The following CDK13 variants were observed in gnomAD, a reference collection of about 807,000 sequenced individuals.
CDK13 encodes cyclin-dependent kinase 13.
CDK13 carries 40 observed loss-of-function variants against 137.6 expected under a neutral mutation model. That is an observed-to-expected ratio of 0.29 (90% CI 0.23 to 0.38). The LOEUF (loss-of-function observed/expected upper bound fraction) is 0.38. Among genes scored for constraint, CDK13 ranks in the 10% least tolerant of loss-of-function variants. The pLI, the probability that CDK13 is intolerant of heterozygous loss-of-function variation, is 1.00. For synonymous variants in CDK13, 869 were observed against 760.1 expected (o/e 1.14, Z -2.36); for missense variants, 1,704 against 1,951.8 (o/e 0.87, Z 2.39).
chr7:39,950,556 G>T lies in CDK13; in HGVS notation c.-86G>T, dbSNP rs1787116047. On this transcript the variant is annotated 5_prime_UTR_variant, in exon 1 of 14. Coordinates refer to ENST00000181839, the MANE Select transcript of CDK13 (RefSeq NM_003718.5). Reference sequence around the variant, plus strand: ...TGGTGCTCGGTGTCCCTCCGCCGCCGCTCCCGTTTCCGGCGGGGGAGATGG... The same window carrying T: ...TGGTGCTCGGTGTCCCTCCGCCGCCTCTCCCGTTTCCGGCGGGGGAGATGG... 7.9e-7 allele frequency: 1 copy of T among 1,272,098 alleles called. No homozygotes were observed. The highest frequency in any genetic ancestry group is 9.9e-7 in the Non-Finnish European group (1 of 1,009,628). 78.8% of individuals were successfully genotyped at this position (1,272,098 alleles called of 1,614,324 possible). A position where few individuals can be genotyped will look rare whatever the true frequency, so the allele number is the denominator to read the frequency against.
At chr7:40,080,674 T>G (rs1051881865) in intron 11 of CDK13, among the ~76,000 whole-genome samples, 2 of 152,178 alleles carry the variant, frequency 1.3e-5, no homozygotes, top group Non-Finnish European at 1.5e-5. Context: ...CAAATAACAT[T>G]TTTTAAACTT....
Position 39,996,075 on chromosome 7 carries a change from C to A in CDK13, c.1872-1419C>A, listed in dbSNP as rs570236302. ...TGTTTTTTCTCTGTTAAAGAACCTT[C>A]CAGTGAGTAACACAGGACATAAATT... is the stretch of plus-strand genomic sequence containing the variant. On this transcript the variant is annotated intron_variant, in intron 2 of 13. Coordinates refer to ENST00000181839, the MANE Select transcript of CDK13 (RefSeq NM_003718.5). Among the ~76,000 whole-genome samples the A allele has an allele frequency of 5.9e-5, 9 of 152,270 alleles. 1 individual carries two copies. Among genetic ancestry groups the A allele is most frequent in the Admixed American group, 2.0e-4 (3 of 15,286 alleles).
chr7:39,967,243 C>T (rs138575520), intron 1 of CDK13, among the ~76,000 whole-genome samples: 12 of 152,198 alleles, frequency 7.9e-5, no homozygotes, highest in African/African-American at 1.7e-4. Flanking sequence ...GCCCTGGCAA[C>T]GTGGTGAAAT....
intron 5 of CDK13, among the ~76,000 whole-genome samples, chr7:40,036,436 G>C (rs1038924106): frequency 3.3e-5 from 5 of 152,258 alleles, no homozygotes; most frequent in Admixed American, 1.3e-4. Flanking sequence ...GCCAGGTGTG[G>C]TGGCAGGTAC....
chr7:39,967,794 G>A (rs1783905034), intron 1 of CDK13, among the ~76,000 whole-genome samples: 1 of 152,098 alleles, frequency 6.6e-6, no homozygotes, highest in Admixed American at 6.5e-5. Context: ...ACAGGTGGGA[G>A]GTGGTATCTC....
At chr7:39,995,311 A>C (rs1302892266) in intron 2 of CDK13, among the ~76,000 whole-genome samples, 1 of 152,152 alleles carries the variant, frequency 6.6e-6, no homozygotes, top group Non-Finnish European at 1.5e-5. Flanking sequence ...TTTTTGCTCT[A>C]AAAAATGTTG....
chr7:40,054,256 A>T (rs1218519451), intron 7 of CDK13, among the ~76,000 whole-genome samples: 1 of 152,244 alleles, frequency 6.6e-6, no homozygotes, highest in Non-Finnish European at 1.5e-5. Context: ...TTAGGAAGTT[A>T]TGTGATATTT....
rs1365910467 is a variant in CDK13, at chr7:40,036,372, G to GACC, written c.2354-9462_2354-9460dup. On this transcript the variant is annotated intron_variant, in intron 5 of 13. Coordinates refer to ENST00000181839, the MANE Select transcript of CDK13 (RefSeq NM_003718.5). ...AAAGTAGATGAGGTCAGGAGTTTGA[G>GACC]ACCAGCCTGGCCAACATGGCGAAAC... 2.0e-5 allele frequency among the ~76,000 whole-genome samples: 3 copies of GACC among 152,080 alleles called. No individual in the cohort carries two copies. The East Asian group carries it at 5.8e-4, about 29-fold the overall frequency.
chr7:39,987,648 A>G lies in CDK13; in HGVS notation c.1261A>G (p.Arg421Gly). ...SRSPYSSRHS[R>G]SRSRHRLSRS... ...AAGCCCGTATTCATCTAGGCATTCA[A>G]GATCTCGTAGCAGGCACAGATTGTC... The change falls in exon 2 of 14, where the codon AGA becomes GGA. Residue 421 changes from arginine to glycine, a missense_variant. Around this residue, in one of 5 missense-constraint regions of CDK13, gnomAD observed 1,051 missense variants for 931.0 expected, o/e 1.13. Transcript: ENST00000181839. 1.2e-6 allele frequency: 2 copies of G among 1,611,796 alleles called. No homozygotes were observed. The highest frequency in any genetic ancestry group is 8.5e-7 in the Non-Finnish European group (1 of 1,179,412).
chr7:40,006,698 C>G (rs894238591), intron 5 of CDK13, among the ~76,000 whole-genome samples: 1 of 152,138 alleles, frequency 6.6e-6, no homozygotes, highest in South Asian at 2.1e-4. Context: ...AGGAGAATCG[C>G]TTGAACCCGG....
intron 1 of CDK13, among the ~76,000 whole-genome samples, chr7:39,979,043 G>C (rs1379033549): frequency 6.6e-6 from 1 of 152,106 alleles, no homozygotes; most frequent in Non-Finnish European, 1.5e-5. Context: ...GATGAAAGTT[G>C]TGAAAGTTTG....
intron 7 of CDK13, among the ~76,000 whole-genome samples, chr7:40,054,341 A>G (rs1043784023): frequency 6.6e-6 from 1 of 152,206 alleles, no homozygotes; most frequent in African/African-American, 2.4e-5. Context: ...GAAATATCTA[A>G]TGAGAAATCT....
intron 9 of CDK13, among the ~76,000 whole-genome samples, chr7:40,063,343 G>GT (rs986082310): frequency 2.0e-5 from 3 of 152,108 alleles, no homozygotes; most frequent in African/African-American, 4.8e-5. Context: ...GCATGTGTGC[G>GT]TTTTTTTAAG....
chr7:40,083,743 G>C (rs1204649892), intron 11 of CDK13, among the ~76,000 whole-genome samples: 4 of 152,026 alleles, frequency 2.6e-5, no homozygotes, highest in African/African-American at 7.2e-5. Flanking sequence ...CACATTCAAG[G>C]AACATTCTGT....
rs891062858 is a variant in CDK13 at position 40,088,043 on chromosome 7, G to A, written c.3030-83G>A. On this transcript the variant is annotated intron_variant, in intron 11 of 13. Transcript: ENST00000181839. ...TCTTCAAGAACTATTTGGGGTGGGG[G>A]CATAACTTTGTTGCTATATAGTAAC... The A allele has an allele frequency of 8.5e-6, 9 of 1,064,754 alleles. No homozygotes were observed. In the African/African-American group the frequency reaches 1.4e-4, roughly 17 times the overall value. 66.0% of individuals were successfully genotyped at this position (1,064,754 alleles called of 1,614,324 possible).
chr7:40,069,166 T>C lies in CDK13; in HGVS notation c.2780+6066T>C, dbSNP rs114596541. The C allele has an allele frequency of 1.9e-3, 696 of 359,344 alleles. 1 individual carries two copies. The highest frequency in any genetic ancestry group is 0.014 in the African/African-American group (647 of 47,042). The allele number at this position is 359,344 out of a possible 1,614,324, so 22.3% of individuals were successfully genotyped here. On this transcript the variant is annotated intron_variant, in intron 9 of 13. Transcript: ENST00000181839. ...AAGGATCACCCGAACCCAAGGGAGGTCGAGGCTACAGTGAACTGTGATTGC... is the reference window on the plus strand; with the variant it reads ...AAGGATCACCCGAACCCAAGGGAGGCCGAGGCTACAGTGAACTGTGATTGC...
chr7:39,978,812 T>C (rs776133558), intron 1 of CDK13, among the ~76,000 whole-genome samples: 1 of 152,182 alleles, frequency 6.6e-6, no homozygotes, highest in Non-Finnish European at 1.5e-5. Flanking sequence ...GAAGTAAGGC[T>C]CTAGAGAGTA....
At chr7:39,995,878 C>T (rs1056647837) in intron 2 of CDK13, among the ~76,000 whole-genome samples, 1 of 152,092 alleles carries the variant, frequency 6.6e-6, no homozygotes, top group Non-Finnish European at 1.5e-5. Flanking sequence ...GGCATGGTGG[C>T]ACGCACCTGT....
rs748272892 is a variant in CDK13, at chr7:40,093,201, C to T, written c.3652C>T (p.Leu1218Phe). The T allele has an allele frequency of 5.0e-6, 8 of 1,613,696 alleles. No homozygotes were observed. The highest frequency in any genetic ancestry group is 1.3e-5 in the African/African-American group (1 of 75,050). The change falls in exon 13 of 14, where the codon CTC becomes TTC. Residue 1218 changes from leucine to phenylalanine, a missense_variant. Around this residue, in one of 5 missense-constraint regions of CDK13, gnomAD observed 475 missense variants for 579.3 expected, o/e 0.82. Transcript: ENST00000181839. ...NGSGHEASLQ[L>F]RPPPEPSTPV... ...ATCGGGACATGAAGCGTCATTACAA[C>T]TCAGGCCACCTCCAGAACCTAGCAC...
Sources: allele counts gnomAD v4.1 joint callset (sites outside exome capture counted in the v4.1 genomes callset), GRCh38; gene constraint gnomAD v4.1.1; regional missense constraint gnomAD v4.1.1; transcripts MANE v1.5; gene names NCBI Gene and HGNC (gene_info 2026-07-23, HGNC 2026-07-21).